The following IPCEF1 variants were observed in gnomAD, a reference collection of about 807,000 sequenced individuals.
IPCEF1 encodes the protein interaction protein for cytohesin exchange factors 1.
A neutral mutation model predicts 50.9 loss-of-function variants in IPCEF1; 31 were observed. That is an observed-to-expected ratio of 0.61 (90% CI 0.46 to 0.82). IPCEF1 has a LOEUF of 0.82. Ranked by LOEUF, IPCEF1 falls within the 40% of genes least tolerant of loss-of-function variation. IPCEF1 has a pLI of 0.00. For missense variants in IPCEF1, 458 were observed against 514.0 expected (o/e 0.89, Z 1.05); for synonymous variants, 181 against 192.0 (o/e 0.94, Z 0.47).
intron 1 of IPCEF1, among the ~76,000 whole-genome samples, chr6:154,350,460 T>C (rs1784101384): frequency 6.6e-6 from 1 of 152,204 alleles, no homozygotes; most frequent in African/African-American, 2.4e-5. Flanking sequence ...CTTTATTCAC[T>C]CCCATTCAAT....
intron 10 of IPCEF1, among the ~76,000 whole-genome samples, chr6:154,186,807 C>T (rs1222539179): frequency 6.6e-6 from 1 of 152,084 alleles, no homozygotes; most frequent in Non-Finnish European, 1.5e-5. Flanking sequence ...CCACCTGCCT[C>T]GGCCTCCCAA....
intron 2 of IPCEF1, among the ~76,000 whole-genome samples, chr6:154,282,604 A>G (rs1224866180): frequency 5.9e-5 from 9 of 152,010 alleles, no homozygotes; most frequent in East Asian, 5.8e-4. Flanking sequence ...GGAGAATGGC[A>G]TAAACCCGGG....
intron 11 of IPCEF1, among the ~76,000 whole-genome samples, chr6:154,167,160 A>T (rs961417805): frequency 1.3e-5 from 2 of 152,214 alleles, no homozygotes; most frequent in Non-Finnish European, 2.9e-5. Context: ...AATCTATCAA[A>T]GCTTTTCAGA....
intron 1 of IPCEF1, among the ~76,000 whole-genome samples, chr6:154,314,827 T>A (rs1783171830): frequency 6.6e-6 from 1 of 151,888 alleles, no homozygotes; most frequent in African/African-American, 2.4e-5. Flanking sequence ...TAGAAAGAGG[T>A]TCCTTTCCCT....
At chr6:154,320,340 T>C (rs1783341919) in intron 1 of IPCEF1, among the ~76,000 whole-genome samples, 1 of 152,222 alleles carries the variant, frequency 6.6e-6, no homozygotes, top group Non-Finnish European at 1.5e-5. Context: ...TGCTCATCTT[T>C]TGGCTACTTC....
intron 10 of IPCEF1, among the ~76,000 whole-genome samples, chr6:154,173,443 C>A (rs1446516461): frequency 6.6e-6 from 1 of 152,148 alleles, no homozygotes; most frequent in Non-Finnish European, 1.5e-5. Context: ...AGATGAATGA[C>A]TAACTAGAAT....
chr6:154,214,119 G>A, intron 8 of IPCEF1, 99 bp downstream of exon 8: 1 of 811,356 alleles, frequency 1.2e-6, no homozygotes, highest in Non-Finnish European at 2.2e-6. Flanking sequence ...TGTTTCCTCA[G>A]GATCAGACTA....
chr6:154,284,735 C>G (rs1782315142), intron 2 of IPCEF1, among the ~76,000 whole-genome samples: 1 of 152,148 alleles, frequency 6.6e-6, no homozygotes, highest in Admixed American at 6.5e-5. Context: ...GGCACAGTGG[C>G]TCACGCCTAT....
intron 1 of IPCEF1, among the ~76,000 whole-genome samples, chr6:154,317,119 A>G (rs1250198650): frequency 6.6e-6 from 1 of 152,148 alleles, no homozygotes; most frequent in Admixed American, 6.6e-5. Flanking sequence ...TCTAATCACA[A>G]GTGATGTTAA....
rs1374787674 is a variant in IPCEF1 at position 154,273,751 on chromosome 6, T to C, written c.-17-7787A>G. On this transcript the variant is annotated intron_variant, in intron 2 of 11. Coordinates refer to ENST00000367220, the MANE Select transcript of IPCEF1 (RefSeq NM_001130700.2). ...TTTTTTTTTTTTTTTTTTTTTTTTT[T>C]TTTTTTTTTTTTTTTTTTTTGAGGC... Among the ~76,000 whole-genome samples the C allele has an allele frequency of 8.7e-4, 64 of 73,332 alleles. 3 individuals are homozygous for C. The South Asian group carries it at 0.011, about 12-fold the overall frequency. The allele number at this position is 73,332 out of a possible 152,430, so 48.1% of individuals were successfully genotyped here.
intron 3 of IPCEF1, among the ~76,000 whole-genome samples, chr6:154,264,967 A>G (rs1481288762): frequency 6.6e-6 from 1 of 152,174 alleles, no homozygotes. Context: ...ATTTGGCAGG[A>G]AGTCTATACT....
At position 154,199,836 on chromosome 6, in the gene IPCEF1, G is replaced by A. The variant is rs1258573842; in HGVS notation, c.742C>T (p.Pro248Ser). 2.5e-6 allele frequency: 4 copies of A among 1,614,184 alleles called. No individual in the cohort carries two copies. Among genetic ancestry groups the A allele is most frequent in the African/African-American group, 1.3e-5 (1 of 75,052 alleles). The change falls in exon 10 of 12, where the codon CCT (proline) becomes TCT (serine). Residue 248 changes from proline to serine, a missense_variant. By Grantham distance (74) the Pro-to-Ser change is moderately conservative. Coordinates refer to ENST00000367220, the MANE Select transcript of IPCEF1 (RefSeq NM_001130700.2). ...PITFAVQVHSPVPSEAGIHKA... is the reference protein window; with the variant it reads ...PITFAVQVHSSVPSEAGIHKA... The stretch of plus-strand genomic sequence containing the variant: ...TGGATGCCTGCCTCTGAGGGTACAG[G>A]TGAATGAACTTGCACAGCAAACGTT...
chr6:154,184,066 C>A (rs1801128790), intron 10 of IPCEF1, among the ~76,000 whole-genome samples: 1 of 152,054 alleles, frequency 6.6e-6, no homozygotes, highest in Non-Finnish European at 1.5e-5. Context: ...CATTTTATAG[C>A]TGAAAGCTGG....
In IPCEF1 at chr6:154,332,287, G is replaced by A. The variant is rs62435710; in HGVS notation, c.-62+24385C>T. Among the ~76,000 whole-genome samples the A allele has an allele frequency of 6.1e-5, 3 of 49,538 alleles. No individual in the cohort carries two copies. In the East Asian group the frequency reaches 4.7e-3, roughly 77 times the overall value. The allele number at this position is 49,538 out of a possible 152,430, so 32.5% of individuals were successfully genotyped here. ...GATAACTGTTTTTTTGTGTGTGAGT[G>A]GTTTTTTTTTTTTTTTTTACTGTTT... On this transcript the variant is annotated intron_variant, in intron 1 of 11. Transcript: ENST00000367220.
At chr6:154,339,875 G>A (rs7749009) in intron 1 of IPCEF1, among the ~76,000 whole-genome samples, 4,005 of 152,236 alleles carry the variant, frequency 0.026, 185 homozygotes, top group African/African-American at 0.09. Context: ...GGGATTACAG[G>A]CATGAGCCGC....
chr6:154,173,057 C>T (rs143756064), intron 10 of IPCEF1, among the ~76,000 whole-genome samples: 10 of 152,250 alleles, frequency 6.6e-5, no homozygotes, highest in Admixed American at 6.5e-4. Context: ...CAAACTCCAA[C>T]AGACGTGCAG....
chr6:154,195,793 T>C (rs1776570065), intron 10 of IPCEF1, among the ~76,000 whole-genome samples: 1 of 17,670 alleles, frequency 5.7e-5, no homozygotes, highest in Non-Finnish European at 1.0e-4. Flanking sequence ...TGTTCACAAT[T>C]TTTTTTTTTT....
chr6:154,254,697 C>T (rs1343308854), intron 3 of IPCEF1, among the ~76,000 whole-genome samples: 1 of 152,150 alleles, frequency 6.6e-6, no homozygotes, highest in African/African-American at 2.4e-5. Flanking sequence ...ACTTTGTTAG[C>T]ATTTCCATCC....
chr6:154,310,182 C>T (rs1289546508), intron 1 of IPCEF1, among the ~76,000 whole-genome samples: 1 of 152,178 alleles, frequency 6.6e-6, no homozygotes, highest in Non-Finnish European at 1.5e-5. Flanking sequence ...AAGTGGAGCT[C>T]AACCTCAGCT....
Sources: allele counts gnomAD v4.1 joint callset (sites outside exome capture counted in the v4.1 genomes callset), GRCh38; gene constraint gnomAD v4.1.1; transcripts MANE v1.5; gene names NCBI Gene and HGNC (gene_info 2026-07-23, HGNC 2026-07-21).